Variants in ATP8A1 observed in about 807,000 individuals in gnomAD.
ATP8A1 encodes ATPase phospholipid transporting 8A1.
In ATP8A1, 90 loss-of-function variants were observed where a neutral mutation model predicts 177.7. The observed-to-expected ratio is 0.51, with a 90% CI of 0.43 to 0.60. The LOEUF (loss-of-function observed/expected upper bound fraction) is 0.60. ATP8A1 is among the 20% of genes least tolerant of loss of function. The probability of loss-of-function intolerance (pLI) is 0.00; values close to 1 mark genes in which losing one functional copy is unlikely to be tolerated. For synonymous variants in ATP8A1, 493 were observed against 485.9 expected (o/e 1.01, Z -0.19); for missense variants, 1,072 against 1,392.8 (o/e 0.77, Z 3.67).
At chr4:42,540,058 T>C (rs551005016) in intron 20 of ATP8A1, among the ~76,000 whole-genome samples, 24 of 152,232 alleles carry the variant, frequency 1.6e-4, no homozygotes, top group African/African-American at 4.8e-4. Flanking sequence ...AAAGGACTAA[T>C]AGCCAGAATA....
chr4:42,597,943 T>C (rs1348795179), intron 6 of ATP8A1, among the ~76,000 whole-genome samples: 1 of 152,172 alleles, frequency 6.6e-6, no homozygotes, highest in Non-Finnish European at 1.5e-5. Flanking sequence ...TCTGGTCAAT[T>C]ATCATATTTC....
rs751055015 is a variant in ATP8A1 at position 42,509,849 on chromosome 4, CAAA to C, written c.1948-2698_1948-2696del. Among the ~76,000 whole-genome samples, 106 of 78,974 alleles carry C rather than the reference CAAA, an allele frequency of 1.3e-3. 1 individual carries two copies. The highest frequency in any genetic ancestry group is 2.1e-3 in the African/African-American group (49 of 22,838). The allele number at this position is 78,974 out of a possible 152,430, so 51.8% of individuals were successfully genotyped here. A position where few individuals can be genotyped will look rare whatever the true frequency, so the allele number is the denominator to read the frequency against. ...CCTGGGCAACAGAGCGAGACAGTCT[CAAA>C]AAAAAAAAAAAAAAAAAAAAAGTTA... On this transcript the variant is annotated intron_variant, in intron 22 of 36. Coordinates refer to ENST00000381668, the MANE Select transcript of ATP8A1 (RefSeq NM_006095.2).
At chr4:42,570,521 C>G (rs182775877) in intron 14 of ATP8A1, among the ~76,000 whole-genome samples, 178 of 152,324 alleles carry the variant, frequency 1.2e-3, no homozygotes, top group Non-Finnish European at 1.9e-3. Context: ...AATCTCATAC[C>G]AGGACAGGGG....
At chr4:42,461,795 T>C (rs2153181955) in intron 27 of ATP8A1, among the ~76,000 whole-genome samples, 1 of 152,246 alleles carries the variant, frequency 6.6e-6, no homozygotes, top group South Asian at 2.1e-4. Flanking sequence ...GTGCGAAAGT[T>C]TGGAACTCCC....
chr4:42,522,977 T>C (rs565121024), intron 21 of ATP8A1, among the ~76,000 whole-genome samples: 25 of 150,684 alleles, frequency 1.7e-4, no homozygotes, highest in African/African-American at 5.5e-4. Flanking sequence ...GCCTCACAGA[T>C]GTTTACAAAG....
intron 17 of ATP8A1, among the ~76,000 whole-genome samples, chr4:42,552,217 C>A (rs559521365): frequency 6.6e-6 from 1 of 151,848 alleles, no homozygotes; most frequent in Non-Finnish European, 1.5e-5. Flanking sequence ...TATAAAGAAG[C>A]GAAAAATTAT....
At chr4:42,462,853 G>A (rs549392207) in intron 27 of ATP8A1, among the ~76,000 whole-genome samples, 1 of 152,340 alleles carries the variant, frequency 6.6e-6, no homozygotes, top group African/African-American at 2.4e-5. Flanking sequence ...CCTCTTGCAT[G>A]CTTGACCTGG....
chr4:42,508,549 A>C (rs537964719), intron 22 of ATP8A1, among the ~76,000 whole-genome samples: 2 of 152,374 alleles, frequency 1.3e-5, no homozygotes, highest in Non-Finnish European at 2.9e-5. Flanking sequence ...ATGGACACAG[A>C]TAATGTTGTT....
At chr4:42,620,087 T>C (rs1737316045) in intron 4 of ATP8A1, among the ~76,000 whole-genome samples, 1 of 152,222 alleles carries the variant, frequency 6.6e-6, no homozygotes, top group African/African-American at 2.4e-5. Context: ...CATATCCTAA[T>C]GAATGCCTGG....
chr4:42,520,027 G>A (rs1280057664), intron 22 of ATP8A1, among the ~76,000 whole-genome samples: 1 of 152,068 alleles, frequency 6.6e-6, no homozygotes, highest in Non-Finnish European at 1.5e-5. Context: ...CTGGGAAAAC[G>A]TTGAACATCT....
At chr4:42,640,360 C>A (rs989835857) in intron 1 of ATP8A1, among the ~76,000 whole-genome samples, 1 of 152,168 alleles carries the variant, frequency 6.6e-6, no homozygotes, top group African/African-American at 2.4e-5. Flanking sequence ...AGAAATGTTT[C>A]CTCTAAAAAA....
At chr4:42,512,008 A>T (rs1303334470) in intron 22 of ATP8A1, among the ~76,000 whole-genome samples, 1 of 152,250 alleles carries the variant, frequency 6.6e-6, no homozygotes, top group Non-Finnish European at 1.5e-5. Context: ...ATTTATTTCC[A>T]TATGAAATAA....
chr4:42,527,898 C>T (rs1383606106), intron 20 of ATP8A1, among the ~76,000 whole-genome samples: 2 of 152,122 alleles, frequency 1.3e-5, no homozygotes, highest in African/African-American at 4.8e-5. Context: ...CACTACATAA[C>T]CGACAATTTA....
At chr4:42,493,673 C>T (rs1722952915) in intron 24 of ATP8A1, among the ~76,000 whole-genome samples, 1 of 152,128 alleles carries the variant, frequency 6.6e-6, no homozygotes, top group Admixed American at 6.5e-5. Flanking sequence ...CCTCCGAATC[C>T]TTGCTCTGCC....
At chr4:42,640,466 C>G (rs1242521409) in intron 1 of ATP8A1, among the ~76,000 whole-genome samples, 1 of 152,214 alleles carries the variant, frequency 6.6e-6, no homozygotes, top group Admixed American at 6.5e-5. Context: ...GATTAACAGA[C>G]TGCTTAAAAG....
intron 33 of ATP8A1, among the ~76,000 whole-genome samples, chr4:42,432,215 C>A (rs1350462066): frequency 6.6e-6 from 1 of 152,084 alleles, no homozygotes; most frequent in South Asian, 2.1e-4. Flanking sequence ...CTCTAGAGTA[C>A]CCCGAAAACT....
chr4:42,456,895 T>C (rs931164110), intron 27 of ATP8A1, among the ~76,000 whole-genome samples: 3 of 152,284 alleles, frequency 2.0e-5, no homozygotes, highest in Non-Finnish European at 4.4e-5. Flanking sequence ...CATTTATCAA[T>C]ATATACCCAG....
At chr4:42,451,086 G>A (rs965679252) in intron 30 of ATP8A1, among the ~76,000 whole-genome samples, 7 of 152,132 alleles carry the variant, frequency 4.6e-5, no homozygotes, top group African/African-American at 1.7e-4. Flanking sequence ...TTTGTTCTAA[G>A]TATGCTAAAT....
intron 22 of ATP8A1, among the ~76,000 whole-genome samples, chr4:42,508,313 C>T (rs6814615): frequency 0.044 from 6,658 of 152,068 alleles, 191 homozygotes; most frequent in South Asian, 0.095. Flanking sequence ...GCGTATAAGA[C>T]GGGGTTTCAC....
Sources: allele counts gnomAD v4.1 joint callset (sites outside exome capture counted in the v4.1 genomes callset), GRCh38; gene constraint gnomAD v4.1.1; transcripts MANE v1.5; gene names NCBI Gene and HGNC (gene_info 2026-07-23, HGNC 2026-07-21).